The following GON4L variants were observed in gnomAD, a reference collection of about 807,000 sequenced individuals.
GON4L encodes GON-4-like protein.
Under a neutral mutation model 211.8 loss-of-function variants are expected in GON4L, and 87 were observed. The observed-to-expected ratio is 0.41, with a 90% CI of 0.35 to 0.49. The LOEUF (loss-of-function observed/expected upper bound fraction) is 0.49, where lower values mean the gene tolerates loss of function less well. Ranked by LOEUF, GON4L falls within the 20% of genes least tolerant of loss-of-function variation. The pLI, the probability that GON4L is intolerant of heterozygous loss-of-function variation, is 0.15. For synonymous variants in GON4L, 875 were observed against 962.6 expected (o/e 0.91, Z 1.68); for missense variants, 2,155 against 2,659.5 (o/e 0.81, Z 4.17).
At chr1:155,753,458 T>C (rs760202321) in intron 28 of GON4L, 44 bp from the exon 29 acceptor site, 4 of 1,454,444 alleles carry the variant, frequency 2.8e-6, no homozygotes, top group East Asian at 4.5e-5. Flanking sequence ...TGACTGCCTA[T>C]GTCTTTGGTT....
chr1:155,751,900 G>A (rs190512301), intron 30 of GON4L, 31 bp from the exon 31 acceptor site: 1 of 1,610,780 alleles, frequency 6.2e-7, no homozygotes, highest in Admixed American at 1.7e-5. Flanking sequence ...TTAACCCTAG[G>A]GAGCCACATG....
At chr1:155,800,274 T>C (rs1162820370) in intron 11 of GON4L, among the ~76,000 whole-genome samples, 2 of 151,746 alleles carry the variant, frequency 1.3e-5, no homozygotes, top group African/African-American at 2.4e-5. Context: ...AAAAATGGTT[T>C]AGGCCGGGCG....
chr1:155,791,772 G>C (rs1665590139), intron 12 of GON4L, among the ~76,000 whole-genome samples: 1 of 151,908 alleles, frequency 6.6e-6, no homozygotes, highest in Non-Finnish European at 1.5e-5. Flanking sequence ...GGAGGCTGAG[G>C]CAGGAGAATC....
intron 2 of GON4L, among the ~76,000 whole-genome samples, chr1:155,852,665 C>T (rs554630771): frequency 1.8e-4 from 28 of 152,162 alleles, no homozygotes; most frequent in Non-Finnish European, 3.2e-4. Context: ...ATGGCGTGAA[C>T]CTGGGAGGCG....
intron 31 of GON4L, among the ~76,000 whole-genome samples, chr1:155,751,554 A>G (rs1357272480): frequency 3.3e-5 from 5 of 152,152 alleles, no homozygotes; most frequent in Admixed American, 6.6e-5. Context: ...TCTAAAATAC[A>G]TAAATAAATA....
chr1:155,814,615 G>A (rs1051399820), intron 8 of GON4L, among the ~76,000 whole-genome samples, 166 bp from the exon 9 acceptor site: 7 of 151,998 alleles, frequency 4.6e-5, no homozygotes, highest in African/African-American at 9.7e-5. Flanking sequence ...GCGCGGTGGC[G>A]TGCACCTGTA....
At chr1:155,847,442 G>A (rs1002326801) in intron 2 of GON4L, among the ~76,000 whole-genome samples, 2 of 152,140 alleles carry the variant, frequency 1.3e-5, no homozygotes, top group South Asian at 2.1e-4. Context: ...AGTGACTCAA[G>A]CCTGTAATTC....
intron 14 of GON4L, among the ~76,000 whole-genome samples, chr1:155,782,574 G>A (rs1003429842): frequency 6.6e-6 from 1 of 152,212 alleles, no homozygotes; most frequent in African/African-American, 2.4e-5. Flanking sequence ...GTATCACCAT[G>A]AGATGATATA....
At chr1:155,787,335 C>T (rs780418747) in intron 12 of GON4L, among the ~76,000 whole-genome samples, 7 of 152,112 alleles carry the variant, frequency 4.6e-5, no homozygotes, top group Admixed American at 1.3e-4. Context: ...TGGTTGATAT[C>T]AAGTTCAATA....
At position 155,776,435 on chromosome 1, in the gene GON4L, G is replaced by A; in HGVS notation, c.2138C>T (p.Pro713Leu). 1 of 1,613,592 alleles carries A rather than the reference G, an allele frequency of 6.2e-7. No homozygotes were observed. Among genetic ancestry groups the A allele is most frequent in the Non-Finnish European group, 8.5e-7 (1 of 1,179,484 alleles). The change falls in exon 16 of 32, where the codon CCC (proline) becomes CTC (leucine). Residue 713 changes from proline to leucine, a missense_variant. Around this residue, in one of 6 missense-constraint regions of GON4L, gnomAD observed 551 missense variants for 854.0 expected, o/e 0.65. Coordinates refer to ENST00000368331, the MANE Select transcript of GON4L (RefSeq NM_001282860.2). ...TQIHLLATCN[P>L]NLNPEATTTR... is the part of the protein sequence containing the mutation. ...GGTAGTGGCCTCCGGATTGAGGTTG[G>A]GGTTGCAGGTGGCAAGAAGGTGGAT...
At chr1:155,745,521 C>T (rs1660225198), downstream of GON4L, among the ~76,000 whole-genome samples, 1 of 152,252 alleles carries the variant, frequency 6.6e-6, no homozygotes, top group Non-Finnish European at 1.5e-5. Flanking sequence ...GCAGAGCCTT[C>T]CGCGGCCCGC....
intron 14 of GON4L, among the ~76,000 whole-genome samples, chr1:155,779,944 C>T (rs545853208): frequency 5.9e-5 from 9 of 152,138 alleles, no homozygotes; most frequent in South Asian, 2.1e-4. Context: ...ATTACAGGCA[C>T]GCATCACCAC....
downstream of GON4L, chr1:155,748,177 C>T (rs866635996): frequency 8.6e-6 from 13 of 1,504,256 alleles, no homozygotes; most frequent in Non-Finnish European, 1.1e-5. Flanking sequence ...AGGGCCTCCT[C>T]ATGCTCCCAG....
intron 13 of GON4L, 100 bp downstream of exon 13, chr1:155,785,234 G>A: frequency 2.4e-6 from 2 of 825,570 alleles, no homozygotes; most frequent in South Asian, 2.7e-5. Context: ...GGTTCAGTCA[G>A]ACCCCCTCTC....
At chr1:155,827,227 T>C (rs1231044135) in intron 2 of GON4L, among the ~76,000 whole-genome samples, 199 bp from the exon 3 acceptor site, 1 of 152,212 alleles carries the variant, frequency 6.6e-6, no homozygotes, top group Admixed American at 6.5e-5. Flanking sequence ...AACTAGGTAA[T>C]TGCTGAGGTC....
intron 14 of GON4L, among the ~76,000 whole-genome samples, chr1:155,779,501 G>C (rs1031983834): frequency 6.6e-6 from 1 of 151,488 alleles, no homozygotes; most frequent in South Asian, 2.1e-4. Flanking sequence ...ATTTTTAGTA[G>C]AGACGGGGTT....
rs762997427 is a variant in GON4L at position 155,815,927 on chromosome 1, G to A, written c.1066-27C>T. ...TACATTAGTACAATTAGAAAGAAAT[G>A]AAGTAATGGGAAACACAAATCATAC... On this transcript the variant is annotated intron_variant, in intron 7 of 31. Coordinates refer to ENST00000368331, the MANE Select transcript of GON4L (RefSeq NM_001282860.2). 2.4e-6 allele frequency: 3 copies of A among 1,262,590 alleles called. No homozygotes were observed. The South Asian group carries it at 3.6e-5, about 15-fold the overall frequency. 78.2% of individuals were successfully genotyped at this position (1,262,590 alleles called of 1,614,324 possible).
intron 3 of GON4L, among the ~76,000 whole-genome samples, chr1:155,824,469 G>C (rs1669005067): frequency 7.4e-6 from 1 of 134,820 alleles, no homozygotes; most frequent in Non-Finnish European, 1.6e-5. Flanking sequence ...AAAAGGCTAG[G>C]CACGGTGGCT....
At chr1:155,820,460 T>A in intron 6 of GON4L, 146 bp downstream of exon 6, 1 of 681,668 alleles carries the variant, frequency 1.5e-6, no homozygotes, top group Admixed American at 2.1e-5. Context: ...TATGATCATG[T>A]AGAAACAATT....
Sources: gnomAD v4.1 joint callset for allele counts (sites outside exome capture counted in the v4.1 genomes callset) on GRCh38, gnomAD v4.1.1 for gene constraint, gnomAD v4.1.1 regional missense constraint, MANE v1.5 for transcripts, NCBI Gene and HGNC (gene_info 2026-07-23, HGNC 2026-07-21) for gene names.